DLC1: variants seen among roughly 807,000 people sequenced by gnomAD.
DLC1 encodes the protein rho GTPase-activating protein 7.
DLC1 carries 54 observed loss-of-function variants against 140.3 expected under a neutral mutation model. The ratio of observed to expected loss-of-function variants is 0.38; its 90% CI spans 0.31 to 0.48. DLC1 has a LOEUF of 0.48. DLC1 is among the 20% of genes least tolerant of loss of function. The pLI, the probability that DLC1 is intolerant of heterozygous loss-of-function variation, is 0.96. For synonymous variants in DLC1, 986 were observed against 728.1 expected, an observed-to-expected ratio of 1.35 and a Z score of -5.70; for missense variants, 2,536 against 1,907.0, an observed-to-expected ratio of 1.33 and a Z score of -6.14.
chr8:13,409,550 C>G (rs1837698880), intron 2 of DLC1, among the ~76,000 whole-genome samples: 1 of 152,104 alleles, frequency 6.6e-6, no homozygotes, highest in Admixed American at 6.5e-5. Context: ...TGTGGCTAAA[C>G]ATTTTTATCT....
At chr8:13,293,916 C>A (rs368099087) in intron 5 of DLC1, among the ~76,000 whole-genome samples, 1 of 152,046 alleles carries the variant, frequency 6.6e-6, no homozygotes, top group Admixed American at 6.6e-5. Flanking sequence ...AAAATACCAA[C>A]GGAATTAGAA....
chr8:13,239,641 T>C (rs1267121951), intron 5 of DLC1, among the ~76,000 whole-genome samples: 1 of 152,178 alleles, frequency 6.6e-6, no homozygotes, highest in African/African-American at 2.4e-5. Context: ...GATATACACA[T>C]ATGCACACTC....
chr8:13,222,154 C>T (rs1368685550), intron 5 of DLC1, among the ~76,000 whole-genome samples: 4 of 151,618 alleles, frequency 2.6e-5, no homozygotes, highest in African/African-American at 9.7e-5. Context: ...GAATATATTA[C>T]AGAGAGGTAT....
intron 4 of DLC1, among the ~76,000 whole-genome samples, chr8:13,392,535 A>C (rs1836807214): frequency 6.6e-6 from 1 of 152,118 alleles, no homozygotes; most frequent in Non-Finnish European, 1.5e-5. Flanking sequence ...CTTGACTTTT[A>C]TTTTAAATGC....
chr8:13,444,394 C>T (rs1798683984), intron 2 of DLC1, among the ~76,000 whole-genome samples: 1 of 151,988 alleles, frequency 6.6e-6, no homozygotes, highest in Admixed American at 6.6e-5. Context: ...CACATGTATA[C>T]CTATGTAACA....
chr8:13,506,581 GTATA>G (rs36209609), intron 1 of DLC1, among the ~76,000 whole-genome samples: 32,203 of 130,812 alleles, frequency 0.25, 5,232 homozygotes, highest in Non-Finnish European at 0.31. Context: ...GTGTGTGTGT[GTATA>G]TATATATATA....
At position 13,525,102 on chromosome 8, in the gene DLC1, C is replaced by G. The variant is rs1396380374; in HGVS notation, c.-125-24906G>C. Reference sequence around the variant, plus strand: ...ATGTATATGAAGTCATATGTATGTACCTTTTGTGGCTTCTTCACTTAGCAT... The same window carrying G: ...ATGTATATGAAGTCATATGTATGTAGCTTTTGTGGCTTCTTCACTTAGCAT... On this transcript the variant is annotated intron_variant, in intron 1 of 1. Transcript: ENST00000631382. Among the ~76,000 whole-genome samples the G allele has an allele frequency of 2.0e-5, 3 of 152,118 alleles. No homozygotes were observed. The South Asian group carries it at 6.2e-4, about 32-fold the overall frequency.
intron 5 of DLC1, among the ~76,000 whole-genome samples, chr8:13,168,664 TC>T (rs768355996): frequency 9.2e-5 from 14 of 152,222 alleles, no homozygotes; most frequent in Non-Finnish European, 1.8e-4. Context: ...CAGATAAGGC[TC>T]CTTTTGATCT....
chr8:13,202,626 T>C (rs1175426861), intron 5 of DLC1, among the ~76,000 whole-genome samples: 1 of 152,182 alleles, frequency 6.6e-6, no homozygotes, highest in African/African-American at 2.4e-5. Flanking sequence ...ACACTGTGAC[T>C]TTACTTTTAT....
chr8:13,311,477 T>C (rs2117549568), intron 4 of DLC1, among the ~76,000 whole-genome samples: 1 of 152,320 alleles, frequency 6.6e-6, no homozygotes, highest in Non-Finnish European at 1.5e-5. Flanking sequence ...CAAATATCTA[T>C]AACTAAAGTG....
At chr8:13,155,030 T>C (rs1387276036) in intron 5 of DLC1, among the ~76,000 whole-genome samples, 1 of 152,196 alleles carries the variant, frequency 6.6e-6, no homozygotes, top group Non-Finnish European at 1.5e-5. Context: ...ATGCAATTAC[T>C]GTCATATCCT....
Position 13,401,530 on chromosome 8 carries a change from A to C in DLC1, c.1113T>G (p.Asn371Lys), listed in dbSNP as rs367791290. 13 of 1,613,254 alleles carry C rather than the reference A, an allele frequency of 8.1e-6. No individual in the cohort carries two copies. Among genetic ancestry groups the C allele is most frequent in the Non-Finnish European group, 1.0e-5 (12 of 1,180,000 alleles). Residue 371 changes from asparagine to lysine, a missense_variant, in exon 3 of 18, where the codon AAT becomes AAG. Physicochemically the swap from Asn to Lys is moderately conservative, Grantham distance 94 (BLOSUM62 0). Transcript: ENST00000276297. ...KLDQLDQDIE[N>K]ALSTSSSPSG... The stretch of plus-strand genomic sequence containing the variant: ...ATGGAGAGGAGCTGGTGCTGAGGGC[A>C]TTTTCTATGTCCTGATCAAGCTGGT...
At chr8:13,244,998 G>T (rs1217576964) in intron 5 of DLC1, among the ~76,000 whole-genome samples, 1 of 152,180 alleles carries the variant, frequency 6.6e-6, no homozygotes. Flanking sequence ...CAAGAGTTGA[G>T]CTTTATTTTT....
chr8:13,317,998 T>C (rs1471305928), intron 4 of DLC1, among the ~76,000 whole-genome samples: 1 of 152,158 alleles, frequency 6.6e-6, no homozygotes, highest in Non-Finnish European at 1.5e-5. Context: ...TGGCACTTAT[T>C]AACTTATTAA....
chr8:13,310,363 C>T (rs1194247247), intron 4 of DLC1, among the ~76,000 whole-genome samples: 1 of 152,130 alleles, frequency 6.6e-6, no homozygotes, highest in Admixed American at 6.6e-5. Context: ...GTAATTTACT[C>T]CTTTCCCTTT....
chr8:13,499,482 A>G lies in DLC1; in HGVS notation c.590T>C (p.Ile197Thr). 6.2e-7 allele frequency: 1 copy of G among 1,614,070 alleles called. No homozygotes were observed. The highest frequency in any genetic ancestry group is 8.5e-7 in the Non-Finnish European group (1 of 1,180,000). ...TGCATCTTTTATTTCACTTAAGCTTATTTCATTGCAAAGCTCCAGGCTTTT... is the reference window on the plus strand; with the variant it reads ...TGCATCTTTTATTTCACTTAAGCTTGTTTCATTGCAAAGCTCCAGGCTTTT... ...ISKSLELCNE[I>T]SLSEIKDAPK... The change falls in exon 2 of 18, where the codon ATA becomes ACA. Residue 197 changes from isoleucine to threonine, a missense_variant. By Grantham distance (89) the Ile-to-Thr change is moderately conservative. Transcript: ENST00000276297.
rs35567044 is a variant in DLC1 at position 13,095,179 on chromosome 8, G to A, written c.3234C>T (p.Val1078=). The change falls in exon 11 of 18, where the codon GTC becomes GTT. Residue 1078 remains valine, a synonymous_variant. Transcript: ENST00000276297. ...TGCGCTGCACGTTGACCGTCAGTGG[G>A]ACCCCAAACACACTCCGGTCCTTGT... ...PDYKDRSVFG[V]PLTVNVQRTG... 46 of 1,614,216 alleles carry A rather than the reference G, an allele frequency of 2.8e-5. No individual in the cohort carries two copies. The highest frequency in any genetic ancestry group is 3.3e-4 in the Middle Eastern group (2 of 6,062).
At chr8:13,450,571 A>G (rs1222271487) in intron 2 of DLC1, among the ~76,000 whole-genome samples, 1 of 152,078 alleles carries the variant, frequency 6.6e-6, no homozygotes, top group Non-Finnish European at 1.5e-5. Context: ...TTTGAAAACT[A>G]TATTTTTACT....
At chr8:13,193,840 A>T (rs1826900627) in intron 5 of DLC1, among the ~76,000 whole-genome samples, 1 of 152,186 alleles carries the variant, frequency 6.6e-6, no homozygotes, top group Non-Finnish European at 1.5e-5. Context: ...TTGGATTTCA[A>T]CCAACAATCC....
Sources: gnomAD v4.1 joint callset for allele counts (sites outside exome capture counted in the v4.1 genomes callset) on GRCh38, gnomAD v4.1.1 for gene constraint, MANE v1.5 for transcripts, NCBI Gene and HGNC (gene_info 2026-07-23, HGNC 2026-07-21) for gene names.